The following MARCHF10 variants were observed in gnomAD, a reference collection of about 807,000 sequenced individuals.
MARCHF10 encodes membrane associated ring-CH-type finger 10, also known as probable E3 ubiquitin-protein ligase MARCHF10.
Under a neutral mutation model 76.2 loss-of-function variants are expected in MARCHF10, and 64 were observed. That is an observed-to-expected ratio of 0.84 (90% CI 0.69 to 1.03). MARCHF10 has a LOEUF of 1.03. Ranked by LOEUF, MARCHF10 falls within the 50% of genes least tolerant of loss-of-function variation. MARCHF10 has a pLI of 0.00. For synonymous variants in MARCHF10, 340 were observed against 357.5 expected (o/e 0.95, Z 0.55); for missense variants, 875 against 958.0 (o/e 0.91, Z 1.14).
At chr17:62,779,116 C>T (rs1208158838) in intron 3 of MARCHF10, among the ~76,000 whole-genome samples, 1 of 152,234 alleles carries the variant, frequency 6.6e-6, no homozygotes, top group Admixed American at 6.5e-5. Flanking sequence ...ACCCAGTGCA[C>T]CTCGAGGGCG....
At chr17:62,804,801 T>TACACACACAC (rs140960337) in intron 1 of MARCHF10, 1 of 151,262 alleles carries the variant, frequency 6.6e-6, no homozygotes, top group Non-Finnish European at 1.5e-5. Flanking sequence ...CATTTATTTC[T>TACACACACAC]ACACACACAC....
intron 3 of MARCHF10, among the ~76,000 whole-genome samples, chr17:62,770,363 A>G (rs2148007600): frequency 6.6e-6 from 1 of 152,160 alleles, no homozygotes; most frequent in African/African-American, 2.4e-5. Flanking sequence ...ATAATGATCT[A>G]TTTTCCTCTG....
At chr17:62,717,605 T>G (rs1258271576) in intron 8 of MARCHF10, among the ~76,000 whole-genome samples, 1 of 152,218 alleles carries the variant, frequency 6.6e-6, no homozygotes, top group Non-Finnish European at 1.5e-5. Flanking sequence ...AGGGAGAAGC[T>G]GGGTGTCTCT....
chr17:62,787,665 C>T (rs2092768317), intron 3 of MARCHF10, among the ~76,000 whole-genome samples: 1 of 152,124 alleles, frequency 6.6e-6, no homozygotes, highest in South Asian at 2.1e-4. Context: ...CTCTACCACG[C>T]ACTGGCTGTG....
At chr17:62,764,261 T>A (rs539035182) in intron 3 of MARCHF10, among the ~76,000 whole-genome samples, 12 of 152,326 alleles carry the variant, frequency 7.9e-5, no homozygotes, top group African/African-American at 2.9e-4. Context: ...TATTGCCTGA[T>A]GGCTCCTTTC....
In MARCHF10 at chr17:62,808,188, G is replaced by A. The variant is rs12947298; in HGVS notation, c.-129C>T. On this transcript the variant is annotated 5_prime_UTR_variant, in exon 1 of 11. Transcript: ENST00000311269. Reference sequence around the variant, plus strand: ...ATTAATTGCGCGGGGACGGCCCTGAGCTCCTCTTCCTCCTCCTCTTTTTGC... The same window carrying A: ...ATTAATTGCGCGGGGACGGCCCTGAACTCCTCTTCCTCCTCCTCTTTTTGC... The A allele has an allele frequency of 0.015, 2,219 of 152,882 alleles. 27 individuals are homozygous for A. The highest frequency in any genetic ancestry group is 0.026 in the Non-Finnish European group (1,780 of 68,494). The allele number at this position is 152,882 out of a possible 1,614,324, so 9.5% of individuals were successfully genotyped here.
chr17:62,736,265 T>C lies in MARCHF10; in HGVS notation c.1603A>G (p.Ser535Gly). 2 of 1,614,210 alleles carry C rather than the reference T, an allele frequency of 1.2e-6. No homozygotes were observed. Among genetic ancestry groups the C allele is most frequent in the African/African-American group, 1.3e-5 (1 of 75,062 alleles). ...TCCCTGACAGCAAATTCGTGTGCAC[T>C]GTTTACTGGGAAATAATTATGGTTT... ...AENHNYFPVN[S>G]AHEFAVREAE... The change falls in exon 6 of 11, where the codon AGT becomes GGT. Residue 535 changes from serine to glycine, a missense_variant. Transcript: ENST00000311269.
At chr17:62,715,938 C>G (rs969375181) in intron 8 of MARCHF10, among the ~76,000 whole-genome samples, 5 of 152,216 alleles carry the variant, frequency 3.3e-5, no homozygotes, top group African/African-American at 9.7e-5. Flanking sequence ...AGGCCACCGA[C>G]AGTGCTGACC....
intron 3 of MARCHF10, among the ~76,000 whole-genome samples, chr17:62,768,039 A>T (rs2092373079): frequency 6.6e-6 from 1 of 152,160 alleles, no homozygotes; most frequent in Admixed American, 6.5e-5. Flanking sequence ...TGAAAGTCAT[A>T]TGTTGAAGAC....
At position 62,754,617 on chromosome 17, in the gene MARCHF10, G is replaced by A. The variant is rs138006744; in HGVS notation, c.382+5218C>T. Among the ~76,000 whole-genome samples the A allele has an allele frequency of 4.6e-5, 7 of 152,052 alleles. No individual in the cohort carries two copies. The East Asian group carries it at 9.7e-4, about 21-fold the overall frequency. The stretch of plus-strand genomic sequence containing the variant: ...GAAACTGAGTTCAGAGAAGTTGTCC[G>A]CTCACATTTATGGGGTTATAAAGTG... On this transcript the variant is annotated intron_variant, in intron 4 of 10. Coordinates refer to ENST00000311269, the MANE Select transcript of MARCHF10 (RefSeq NM_152598.4).
At chr17:62,729,941 T>G (rs1202416517) in intron 6 of MARCHF10, among the ~76,000 whole-genome samples, 1 of 152,172 alleles carries the variant, frequency 6.6e-6, no homozygotes. Context: ...CCCAGCACTT[T>G]GGGAGGCCAA....
intron 8 of MARCHF10, among the ~76,000 whole-genome samples, chr17:62,716,563 AC>A (rs2090209220): frequency 6.6e-6 from 1 of 152,002 alleles, no homozygotes; most frequent in Admixed American, 6.5e-5. Context: ...CTGGGGTTAG[AC>A]CTGGGTTGGG....
chr17:62,714,513 G>A, intron 8 of MARCHF10: 1 of 653,600 alleles, frequency 1.5e-6, no homozygotes, highest in Non-Finnish European at 1.9e-6. Context: ...ACCTGCATCT[G>A]TCTTGTTTGC....
chr17:62,722,300 G>T (rs1036851676), intron 8 of MARCHF10, among the ~76,000 whole-genome samples, 188 bp downstream of exon 8: 3 of 139,494 alleles, frequency 2.2e-5, no homozygotes, highest in Admixed American at 1.5e-4. Flanking sequence ...AAAAAAAAAA[G>T]GCTTTTCAAC....
At position 62,796,283 on chromosome 17, in the gene MARCHF10, C is replaced by T. The variant is rs138499735; in HGVS notation, c.90+5363G>A. Among the ~76,000 whole-genome samples the T allele has an allele frequency of 4.2e-3, 635 of 152,280 alleles. 4 individuals are homozygous for T. Among genetic ancestry groups the T allele is most frequent in the Middle Eastern group, 6.8e-3 (2 of 292 alleles). ...CTGGGATTACAGGCATGAGCCACTG[C>T]GCCCGGCCTACATCATGCAATTGAT... On this transcript the variant is annotated intron_variant, in intron 2 of 10. Transcript: ENST00000311269.
intron 5 of MARCHF10, among the ~76,000 whole-genome samples, chr17:62,742,980 C>T (rs960094823): frequency 7.9e-5 from 12 of 152,140 alleles, no homozygotes; most frequent in African/African-American, 2.9e-4. Flanking sequence ...GGGTTGTTGG[C>T]AGGAGAGAAA....
At chr17:62,796,810 G>A (rs2092993087) in intron 2 of MARCHF10, among the ~76,000 whole-genome samples, 1 of 152,146 alleles carries the variant, frequency 6.6e-6, no homozygotes, top group African/African-American at 2.4e-5. Context: ...CCAACATGGT[G>A]AGACCCCCGT....
At chr17:62,806,074 TAAAC>T (rs928222706) in intron 1 of MARCHF10, among the ~76,000 whole-genome samples, 1 of 152,134 alleles carries the variant, frequency 6.6e-6, no homozygotes, top group Non-Finnish European at 1.5e-5. Flanking sequence ...TTCATGAGAT[TAAAC>T]AAATATTACG....
chr17:62,742,697 CTTTTTTCT>C (rs146151121), intron 5 of MARCHF10, among the ~76,000 whole-genome samples: 76,637 of 149,398 alleles, frequency 0.51, 20,516 homozygotes, highest in East Asian at 0.7. Context: ...TTTCTTTTTT[CTTTTTTCT>C]TTTTTTTTTT....
Sources: gnomAD v4.1 joint callset for allele counts (sites outside exome capture counted in the v4.1 genomes callset) on GRCh38, gnomAD v4.1.1 for gene constraint, MANE v1.5 for transcripts, NCBI Gene and HGNC (gene_info 2026-07-23, HGNC 2026-07-21) for gene names.